The following GPSM1 variants were observed in gnomAD, a reference collection of about 807,000 sequenced individuals.
GPSM1 encodes G protein-signaling modulator 1.
A neutral mutation model predicts 70.5 loss-of-function variants in GPSM1; 48 were observed. The observed-to-expected ratio is 0.68, with a 90% CI of 0.54 to 0.87. GPSM1 has a LOEUF of 0.87. Ranked by LOEUF, GPSM1 falls within the 40% of genes least tolerant of loss-of-function variation. GPSM1 has a pLI of 0.00. For missense variants in GPSM1, 981 were observed against 972.6 expected, an observed-to-expected ratio of 1.01 and a Z score of -0.11; for synonymous variants, 416 against 430.1, an observed-to-expected ratio of 0.97 and a Z score of 0.41.
Position 136,354,983 on chromosome 9 carries a change from T to A in GPSM1, c.1456-707T>A, listed in dbSNP as rs1349114980. ...GAGGCCTGGACTGGGGTAGCACCCA[T>A]GAGAGGGGAGAAGTCCGGGGCAGTC... is the stretch of plus-strand genomic sequence containing the variant. On this transcript the variant is annotated intron_variant, in intron 11 of 13. Coordinates refer to ENST00000440944, the MANE Select transcript of GPSM1 (RefSeq NM_001145638.3). 16 of 1,075,842 alleles carry A rather than the reference T, an allele frequency of 1.5e-5. No homozygotes were observed. The South Asian group carries it at 3.8e-4, about 25-fold the overall frequency. 66.6% of individuals were successfully genotyped at this position (1,075,842 alleles called of 1,614,324 possible).
In GPSM1 at chr9:136,343,931, CAG is replaced by C. The variant is rs1554770771; in HGVS notation, c.1207+2939_1207+2940del. Among the ~76,000 whole-genome samples, 3 of 152,176 alleles carry C rather than the reference CAG, an allele frequency of 2.0e-5. No homozygotes were observed. In the East Asian group the frequency reaches 5.8e-4, roughly 29 times the overall value. ...GGGACAGTGTGTGGGAAATGGCACA[CAG>C]GGTCCCGCACGCAGCAGATACACAG... On this transcript the variant is annotated intron_variant, in intron 9 of 13. Transcript: ENST00000440944. This position sits in a 1 kb window ranked among gnomAD's most constrained non-coding sequence, Gnocchi z 6.0.
rs782410166 is a variant in GPSM1 at position 136,356,533 on chromosome 9, A to T, written c.1804A>T (p.Met602Leu). 2.5e-6 allele frequency: 4 copies of T among 1,610,720 alleles called. No homozygotes were observed. Among genetic ancestry groups the T allele is most frequent in the Non-Finnish European group, 3.4e-6 (4 of 1,178,704 alleles). The change falls in exon 13 of 14, where the codon ATG becomes TTG. Residue 602 changes from methionine to leucine, a missense_variant. Coordinates refer to ENST00000440944, the MANE Select transcript of GPSM1 (RefSeq NM_001145638.3). ...GGAGCCGGGGGACGACTTCTTCAACATGCTCATCAAGTACCAGGTGGGCTG... is the reference window on the plus strand; with the variant it reads ...GGAGCCGGGGGACGACTTCTTCAACTTGCTCATCAAGTACCAGGTGGGCTG... ...PQEPGDDFFN[M>L]LIKYQSSRID... is the part of the protein sequence containing the mutation.
In GPSM1 at chr9:136,358,284, G is replaced by A. The variant is rs782287672; in HGVS notation, c.*64G>A. ...CCTGGACGCCGGTCTCACAGTCACA[G>A]CCACGTCCTCCCGAGGCCATTGCCG... On this transcript the variant is annotated 3_prime_UTR_variant, in exon 14 of 14. Coordinates refer to ENST00000440944, the MANE Select transcript of GPSM1 (RefSeq NM_001145638.3). The A allele has an allele frequency of 5.5e-5, 75 of 1,372,690 alleles. No individual in the cohort carries two copies. Among genetic ancestry groups the A allele is most frequent in the Admixed American group, 2.5e-4 (12 of 47,852 alleles). 85.0% of individuals were successfully genotyped at this position (1,372,690 alleles called of 1,614,324 possible). A position where few individuals can be genotyped will look rare whatever the true frequency, so the allele number is the denominator to read the frequency against.
chr9:136,355,990 C>T (rs1417511534), intron 12 of GPSM1, 144 bp downstream of exon 12: 37 of 666,238 alleles, frequency 5.6e-5, no homozygotes, highest in Non-Finnish European at 8.3e-5. Context: ...GGGCGCCCTC[C>T]GCAGCCCCCA....
At chr9:136,335,124 G>C (rs1832201741) in intron 2 of GPSM1, among the ~76,000 whole-genome samples, 2 of 152,160 alleles carry the variant, frequency 1.3e-5, no homozygotes, top group Non-Finnish European at 2.9e-5. Context: ...TCGTGACTGT[G>C]TGTGGCCCAT....
intron 9 of GPSM1, among the ~76,000 whole-genome samples, chr9:136,344,033 C>T (rs1375182806): frequency 1.3e-5 from 2 of 152,150 alleles, no homozygotes; most frequent in Non-Finnish European, 2.9e-5. Flanking sequence ...GCACCAAGAC[C>T]GCTGAGCCGC....
chr9:136,345,849 C>T (rs1554771190), intron 9 of GPSM1, among the ~76,000 whole-genome samples: 2 of 152,166 alleles, frequency 1.3e-5, no homozygotes, highest in Non-Finnish European at 2.9e-5. Context: ...CCTTGCTCAT[C>T]TGGGTGGGGG....
In GPSM1 at chr9:136,341,186, G is replaced by A. The variant is rs1208027760; in HGVS notation, c.1207+193G>A. On this transcript the variant is annotated intron_variant, in intron 9 of 13. Coordinates refer to ENST00000440944, the MANE Select transcript of GPSM1 (RefSeq NM_001145638.3). The surrounding 1 kb of genome is among the most constrained non-coding windows in gnomAD (Gnocchi z 6.7). The stretch of plus-strand genomic sequence containing the variant: ...GGTTCACCCTGAGCCCTTCCCACCC[G>A]CATCCTGAGTGGCGCTGCAGGGCTG... 7.8e-6 allele frequency: 12 copies of A among 1,545,958 alleles called. No homozygotes were observed. The highest frequency in any genetic ancestry group is 4.9e-5 in the East Asian group (2 of 40,840).
At chr9:136,339,675 G>C in intron 7 of GPSM1, 32 bp from the exon 8 acceptor site, 5 of 1,422,830 alleles carry the variant, frequency 3.5e-6, no homozygotes, top group Non-Finnish European at 4.9e-6. Context: ...CCTGGAGAGG[G>C]CGGGTATGAA....
rs765294929 is a variant in GPSM1 at position 136,340,849 on chromosome 9, C to A, written c.1084-21C>A. 56 of 1,552,020 alleles carry A rather than the reference C, an allele frequency of 3.6e-5. No individual in the cohort carries two copies. Among genetic ancestry groups the A allele is most frequent in the Non-Finnish European group, 4.4e-5 (51 of 1,151,980 alleles). ...GGGCCCCCAGCCACACCTGCCCGCT[C>A]CGCCACCCCACTCGCCGCAGATCGG... is the stretch of plus-strand genomic sequence containing the variant. On this transcript the variant is annotated intron_variant, in intron 8 of 13. Transcript: ENST00000440944. This position sits in a 1 kb window ranked among gnomAD's most constrained non-coding sequence, Gnocchi z 7.3.
rs79067861 is a variant in GPSM1, at chr9:136,348,750, A to G, written c.1261A>G (p.Arg421Gly). The G allele has an allele frequency of 1.2e-5, 19 of 1,611,928 alleles. No individual in the cohort carries two copies. The Admixed American group carries it at 3.0e-4, about 25-fold the overall frequency. ...RLSAETWDLL[R>G]LPLEREQNGD... ...GAGCGCGGAGACCTGGGACCTGCTGAGACTCCCCCTGGAGCGGGTGAGCCA... is the reference window on the plus strand; with the variant it reads ...GAGCGCGGAGACCTGGGACCTGCTGGGACTCCCCCTGGAGCGGGTGAGCCA... Residue 421 changes from arginine to glycine, a missense_variant, in exon 10 of 14, where the codon AGA becomes GGA. Coordinates refer to ENST00000440944, the MANE Select transcript of GPSM1 (RefSeq NM_001145638.3).
In GPSM1 at chr9:136,341,324, A is replaced by C; in HGVS notation, c.1207+331A>C. 6.9e-7 allele frequency: 1 copy of C among 1,440,638 alleles called. No individual in the cohort carries two copies. Among genetic ancestry groups the C allele is most frequent in the African/African-American group, 1.4e-5 (1 of 69,650 alleles). 89.2% of individuals were successfully genotyped at this position (1,440,638 alleles called of 1,614,324 possible). A position where few individuals can be genotyped will look rare whatever the true frequency, so the allele number is the denominator to read the frequency against. ...AGGGAGGGCTTCTGTCCTCAGACCC[A>C]AGTAGGAGAGGGCTGCTGGGAGGCG... On this transcript the variant is annotated intron_variant, in intron 9 of 13. Transcript: ENST00000440944. This position sits in a 1 kb window ranked among gnomAD's most constrained non-coding sequence, Gnocchi z 6.7.
rs2131420947 is a variant in GPSM1 at position 136,358,271 on chromosome 9, T to A, written c.*51T>A. 2 of 1,440,332 alleles carry A rather than the reference T, an allele frequency of 1.4e-6. No homozygotes were observed. Among genetic ancestry groups the A allele is most frequent in the Admixed American group, 2.0e-5 (1 of 49,280 alleles). The allele number at this position is 1,440,332 out of a possible 1,614,324, so 89.2% of individuals were successfully genotyped here. On this transcript the variant is annotated 3_prime_UTR_variant, in exon 14 of 14. Coordinates refer to ENST00000440944, the MANE Select transcript of GPSM1 (RefSeq NM_001145638.3). ...CCCTGCCCCCACTCCTGGACGCCGG[T>A]CTCACAGTCACAGCCACGTCCTCCC...
At chr9:136,355,504 G>A in intron 11 of GPSM1, 186 bp from the exon 12 acceptor site, 1 of 407,992 alleles carries the variant, frequency 2.5e-6, no homozygotes, top group Non-Finnish European at 4.2e-6. Flanking sequence ...CGTCCTGGGG[G>A]AGGGGTAGCC....
intron 6 of GPSM1, 113 bp from the exon 7 acceptor site, chr9:136,338,442 C>T (rs1272091371): frequency 2.0e-6 from 2 of 1,006,904 alleles, no homozygotes; most frequent in Admixed American, 2.5e-5. Context: ...CCAGAGAGGC[C>T]CCAGTGGGAT....
At position 136,346,828 on chromosome 9, in the gene GPSM1, T is replaced by TGTGTGTGG. The variant is rs1832534533; in HGVS notation, c.1208-1867_1208-1860dup. Among the ~76,000 whole-genome samples, 4 of 152,258 alleles carry TGTGTGTGG rather than the reference T, an allele frequency of 2.6e-5. No individual in the cohort carries two copies. The South Asian group carries it at 8.3e-4, about 32-fold the overall frequency. ...CTGTGCAGGTGAGGCTGGGAGGGGC[T>TGTGTGTGG]GTGTGTGGGGCCCAGTGCCTGAAAT... On this transcript the variant is annotated intron_variant, in intron 9 of 13. Coordinates refer to ENST00000440944, the MANE Select transcript of GPSM1 (RefSeq NM_001145638.3).
In GPSM1 at chr9:136,356,015, G is replaced by A. The variant is rs1268229224; in HGVS notation, c.1612+169G>A. On this transcript the variant is annotated intron_variant, in intron 12 of 13. Coordinates refer to ENST00000440944, the MANE Select transcript of GPSM1 (RefSeq NM_001145638.3). ...CGCAGCCCCCACAGAGCAGCATCCC[G>A]GGAAGCGTGTCATCAGCCCGCCCTC... 5.9e-5 allele frequency among the ~76,000 whole-genome samples: 9 copies of A among 152,124 alleles called. No individual in the cohort carries two copies. The South Asian group carries it at 1.2e-3, about 21-fold the overall frequency.
At chr9:136,335,733 CA>C (rs1410116340) in intron 2 of GPSM1, among the ~76,000 whole-genome samples, 4 of 152,308 alleles carry the variant, frequency 2.6e-5, no homozygotes, top group Admixed American at 2.6e-4. Context: ...TGGTGATGGG[CA>C]GGAGCCTGTG....
intron 9 of GPSM1, among the ~76,000 whole-genome samples, chr9:136,348,332 T>A (rs1319262181): frequency 6.6e-6 from 1 of 151,682 alleles, no homozygotes; most frequent in Non-Finnish European, 1.5e-5. Flanking sequence ...CTCACAGAGG[T>A]GACCAGGGGC....
Sources: gnomAD v4.1 joint callset for allele counts (sites outside exome capture counted in the v4.1 genomes callset) on GRCh38, gnomAD v4.1.1 for gene constraint, Gnocchi (gnomAD v3.1) non-coding constraint, MANE v1.5 for transcripts, NCBI Gene and HGNC (gene_info 2026-07-23, HGNC 2026-07-21) for gene names.